Variants in THSD7A observed in about 807,000 individuals in gnomAD.
THSD7A encodes thrombospondin type 1 domain containing 7A.
A neutral mutation model predicts 231.3 loss-of-function variants in THSD7A; 96 were observed. The observed-to-expected ratio is 0.41, with a 90% CI of 0.35 to 0.49. The LOEUF (loss-of-function observed/expected upper bound fraction) is 0.49, where lower values mean the gene tolerates loss of function less well. Among genes scored for constraint, THSD7A ranks in the 20% least tolerant of loss-of-function variants. The pLI, the probability that THSD7A is intolerant of heterozygous loss-of-function variation, is 0.05. For synonymous variants in THSD7A, 940 were observed against 743.3 expected, an observed-to-expected ratio of 1.26 and a Z score of -4.30; for missense variants, 2,290 against 2,070.2, an observed-to-expected ratio of 1.11 and a Z score of -2.06.
rs74987227 is a variant in THSD7A, at chr7:11,627,538, T to C, written c.1022+8592A>G. 9.8e-3 allele frequency among the ~76,000 whole-genome samples: 1,485 copies of C among 152,244 alleles called. 13 individuals are homozygous for C. The highest frequency in any genetic ancestry group is 0.016 in the Non-Finnish European group (1,074 of 68,000). On this transcript the variant is annotated intron_variant, in intron 2 of 27. Transcript: ENST00000423059. ...GACCTGACATAATATAAATGCAAAG[T>C]ACTTTTTTAAGGAATGAAATTAAGT...
chr7:11,821,549 A>G (rs956817182), intron 1 of THSD7A, among the ~76,000 whole-genome samples: 43 of 152,310 alleles, frequency 2.8e-4, no homozygotes, highest in African/African-American at 1.0e-3. Context: ...TTTTAAAAGA[A>G]TGCAGATAAT....
At chr7:11,430,190 G>A (rs1784437390) in intron 13 of THSD7A, among the ~76,000 whole-genome samples, 1 of 152,074 alleles carries the variant, frequency 6.6e-6, no homozygotes, top group African/African-American at 2.4e-5. Flanking sequence ...GGCAACTCTA[G>A]GTAGATTTTT....
intron 1 of THSD7A, among the ~76,000 whole-genome samples, chr7:11,732,387 C>A (rs969334625): frequency 6.6e-6 from 1 of 151,754 alleles, no homozygotes; most frequent in Non-Finnish European, 1.5e-5. Context: ...GGCATACTGC[C>A]GGACGCATAG....
intron 1 of THSD7A, among the ~76,000 whole-genome samples, chr7:11,704,503 GAGA>G (rs1298402184): frequency 6.6e-6 from 1 of 150,728 alleles, no homozygotes; most frequent in African/African-American, 2.4e-5. Context: ...GGTGGGCAAG[GAGA>G]AGAAGCAGGA....
intron 1 of THSD7A, among the ~76,000 whole-genome samples, chr7:11,716,062 T>A (rs915012761): frequency 6.6e-6 from 1 of 151,502 alleles, no homozygotes; most frequent in Non-Finnish European, 1.5e-5. Context: ...GAGAGGAACA[T>A]TCCTGACAGA....
At chr7:11,400,208 G>A (rs1349637352) in intron 23 of THSD7A, among the ~76,000 whole-genome samples, 1 of 151,300 alleles carries the variant, frequency 6.6e-6, no homozygotes. Flanking sequence ...TATACCTAAT[G>A]TAAATGACGA....
Position 11,429,146 on chromosome 7 carries a change from C to T in THSD7A, c.3065-21G>A, listed in dbSNP as rs370655369. 5 of 1,538,978 alleles carry T rather than the reference C, an allele frequency of 3.2e-6. No homozygotes were observed. In the East Asian group the frequency reaches 1.2e-4, roughly 36 times the overall value. On this transcript the variant is annotated intron_variant, in intron 13 of 27. Transcript: ENST00000423059. ...GTAACCTGAGTAGAGGAAAATGAGACAAGAATCATCTCCTCCACCTGTCAC... is the reference window on the plus strand; with the variant it reads ...GTAACCTGAGTAGAGGAAAATGAGATAAGAATCATCTCCTCCACCTGTCAC...
At chr7:11,716,474 T>G (rs1047985850) in intron 1 of THSD7A, among the ~76,000 whole-genome samples, 26 of 151,770 alleles carry the variant, frequency 1.7e-4, no homozygotes, top group African/African-American at 5.8e-4. Flanking sequence ...CACATTCCTT[T>G]AAGCCACAGA....
chr7:11,501,711 A>C (rs1054442136), intron 6 of THSD7A, among the ~76,000 whole-genome samples: 11 of 152,230 alleles, frequency 7.2e-5, no homozygotes, highest in African/African-American at 2.7e-4. Context: ...GTAACTTTAC[A>C]ACTGAAAGAA....
At chr7:11,744,611 G>T (rs1326030600) in intron 1 of THSD7A, among the ~76,000 whole-genome samples, 1 of 98,406 alleles carries the variant, frequency 1.0e-5, no homozygotes, top group Non-Finnish European at 1.9e-5. Context: ...CCCCACAACA[G>T]GCCCCAGTGT....
At chr7:11,554,842 G>C (rs1789778543) in intron 4 of THSD7A, among the ~76,000 whole-genome samples, 1 of 151,622 alleles carries the variant, frequency 6.6e-6, no homozygotes, top group Non-Finnish European at 1.5e-5. Flanking sequence ...AATTTATTTT[G>C]ATTTTTTTAT....
chr7:11,426,570 A>G, intron 15 of THSD7A, 96 bp downstream of exon 15: 1 of 1,326,500 alleles, frequency 7.5e-7, no homozygotes, highest in Non-Finnish European at 1.0e-6. Flanking sequence ...TGTAAAACAT[A>G]AAAGACAAAG....
At chr7:11,820,534 G>A (rs566559198) in intron 1 of THSD7A, 26 of 751,666 alleles carry the variant, frequency 3.5e-5, no homozygotes, top group South Asian at 1.5e-4. Context: ...TCCTCTTACC[G>A]GTTTCTTTTT....
chr7:11,584,801 T>A (rs1289692752), intron 4 of THSD7A, among the ~76,000 whole-genome samples: 1 of 152,194 alleles, frequency 6.6e-6, no homozygotes, highest in Non-Finnish European at 1.5e-5. Flanking sequence ...GTCATTTGAT[T>A]TAAGGACTAG....
chr7:11,438,605 G>T (rs181509190), intron 13 of THSD7A, among the ~76,000 whole-genome samples: 4 of 152,104 alleles, frequency 2.6e-5, no homozygotes, highest in Admixed American at 1.3e-4. Flanking sequence ...ATGTTAAAGA[G>T]ATATTATATT....
chr7:11,606,644 C>A (rs1040678313), intron 2 of THSD7A, among the ~76,000 whole-genome samples: 12 of 148,348 alleles, frequency 8.1e-5, no homozygotes, highest in Admixed American at 2.0e-4. Flanking sequence ...TGTAAAGATA[C>A]AAATAAATTT....
intron 1 of THSD7A, among the ~76,000 whole-genome samples, chr7:11,656,350 T>C (rs111687355): frequency 2.6e-5 from 4 of 151,818 alleles, no homozygotes; most frequent in Non-Finnish European, 4.4e-5. Context: ...TCAGTTCCAG[T>C]GCTAAAAATG....
intron 2 of THSD7A, among the ~76,000 whole-genome samples, chr7:11,608,125 C>T (rs1156503998): frequency 1.3e-5 from 2 of 152,130 alleles, no homozygotes; most frequent in Non-Finnish European, 2.9e-5. Flanking sequence ...CCCAAGCCCA[C>T]CTCAAGTGAA....
At chr7:11,534,152 G>T (rs1386993582) in intron 6 of THSD7A, among the ~76,000 whole-genome samples, 1 of 152,132 alleles carries the variant, frequency 6.6e-6, no homozygotes, top group African/African-American at 2.4e-5. Flanking sequence ...TGTGGTCTTG[G>T]ATGGGGAGGG....
Sources: allele counts gnomAD v4.1 joint callset (sites outside exome capture counted in the v4.1 genomes callset), GRCh38; gene constraint gnomAD v4.1.1; transcripts MANE v1.5; gene names NCBI Gene and HGNC (gene_info 2026-07-23, HGNC 2026-07-21).